The following PDZD9 variants were observed in gnomAD, a reference collection of about 807,000 sequenced individuals.
PDZD9 encodes the protein PDZ domain containing 9.
PDZD9 carries 13 observed loss-of-function variants against 16.3 expected under a neutral mutation model. The observed-to-expected ratio is 0.80, with a 90% CI of 0.52 to 1.27. PDZD9 has a LOEUF of 1.27. Among genes scored for constraint, PDZD9 ranks in the 50% most tolerant of loss-of-function variants. The probability of loss-of-function intolerance (pLI) is 0.00; values close to 1 mark genes in which losing one functional copy is unlikely to be tolerated. For missense variants in PDZD9, 288 were observed against 310.9 expected, an observed-to-expected ratio of 0.93 and a Z score of 0.55; for synonymous variants, 120 against 111.0, an observed-to-expected ratio of 1.08 and a Z score of -0.51.
downstream of PDZD9, chr16:21,983,189 C>T (rs374530097): frequency 3.2e-5 from 51 of 1,607,026 alleles, no homozygotes; most frequent in Admixed American, 2.3e-4. Context: ...GCACACATTA[C>T]AGGAGAGAGC....
the PDZD9 span, chr16:21,968,571 T>C: frequency 6.8e-7 from 1 of 1,478,474 alleles, no homozygotes; most frequent in Non-Finnish European, 9.2e-7. Flanking sequence ...TTTTATGTTT[T>C]TACAGCTTTT....
the PDZD9 span, among the ~76,000 whole-genome samples, chr16:21,973,041 A>G: frequency 6.6e-6 from 1 of 152,256 alleles, no homozygotes; most frequent in Non-Finnish European, 1.5e-5. Flanking sequence ...CGGAGGATTC[A>G]GTAAGCTGAG....
chr16:21,980,769 T>C, downstream of PDZD9: 1 of 1,549,400 alleles, frequency 6.5e-7, no homozygotes, highest in Non-Finnish European at 8.8e-7. Context: ...TTCAGAAGGA[T>C]GCATAAGCGT....
At chr16:21,982,180 C>T (rs1802097809), downstream of PDZD9, among the ~76,000 whole-genome samples, 1 of 151,984 alleles carries the variant, frequency 6.6e-6, no homozygotes, top group African/African-American at 2.4e-5. Context: ...ATCTTATATC[C>T]TATCATTATG....
chr16:21,959,672 A>G, the PDZD9 span: 1 of 152,252 alleles, frequency 6.6e-6, no homozygotes, highest in East Asian at 1.9e-4. Flanking sequence ...AAGTTTTTTA[A>G]TTTACTTTGC....
At chr16:21,974,034 T>C in the PDZD9 span, 1 of 1,489,862 alleles carries the variant, frequency 6.7e-7, no homozygotes, top group African/African-American at 1.4e-5. Flanking sequence ...CCCCCCGCCA[T>C]AAACATGTTT....
chr16:21,966,760 C>G, the PDZD9 span, among the ~76,000 whole-genome samples: 1 of 152,180 alleles, frequency 6.6e-6, no homozygotes, highest in Non-Finnish European at 1.5e-5. Context: ...AAATCAAATT[C>G]ACCCTCATGA....
At chr16:21,968,547 C>G in the PDZD9 span, 3 of 1,311,594 alleles carry the variant, frequency 2.3e-6, no homozygotes, top group Non-Finnish European at 3.1e-6. Context: ...TATTTATTTT[C>G]TTCCAAACTG....
At chr16:21,968,522 A>C in the PDZD9 span, 6 of 921,788 alleles carry the variant, frequency 6.5e-6, no homozygotes, top group East Asian at 2.8e-5. Context: ...ACAGCAACTT[A>C]TAAGGCCTTA....
At chr16:21,962,667 A>T in the PDZD9 span, 18 of 1,598,024 alleles carry the variant, frequency 1.1e-5, no homozygotes, top group Non-Finnish European at 1.5e-5. Context: ...CACAAGACCT[A>T]AAGTTTCACA....
chr16:21,958,059 C>A, the PDZD9 span, among the ~76,000 whole-genome samples: 2 of 152,108 alleles, frequency 1.3e-5, no homozygotes, highest in Non-Finnish European at 2.9e-5. Flanking sequence ...AATAAAGTAA[C>A]ATGCAAATAT....
At chr16:21,972,955 CTG>C in the PDZD9 span, among the ~76,000 whole-genome samples, 7 of 152,148 alleles carry the variant, frequency 4.6e-5, no homozygotes, top group African/African-American at 1.7e-4. Flanking sequence ...CAAAAATTGT[CTG>C]GGCGTGGTGG....
chr16:21,969,874 G>T, the PDZD9 span, among the ~76,000 whole-genome samples: 6 of 143,714 alleles, frequency 4.2e-5, no homozygotes, highest in South Asian at 2.2e-4. Flanking sequence ...CTTTGTTTTT[G>T]TTTTTTTTTT....
At chr16:21,991,998 C>T (rs1392679876) in intron 2 of PDZD9, among the ~76,000 whole-genome samples, 2 of 152,176 alleles carry the variant, frequency 1.3e-5, no homozygotes, top group Admixed American at 1.3e-4. Context: ...CTAAGATGAA[C>T]AAGTTATTTC....
chr16:21,989,720 C>G (rs1898976202), intron 2 of PDZD9, among the ~76,000 whole-genome samples: 2 of 152,152 alleles, frequency 1.3e-5, no homozygotes, highest in African/African-American at 4.8e-5. Context: ...AGCTAGGTTT[C>G]CCTACCTTAG....
At position 21,984,367 on chromosome 16, in the gene PDZD9, C is replaced by T. The variant is rs376162472; in HGVS notation, c.695G>A (p.Ser232Asn). Residue 232 changes from serine (S) to asparagine (N), a missense_variant, in exon 4 of 4, where the codon AGC (serine) becomes AAC (asparagine). By Grantham distance (46) the Ser-to-Asn change is conservative. Transcript: ENST00000424898. ...GGTAGAGGAGGTAGAGGAGGAAGAG[C>T]TTTCATTGTCTTGCTTCACCATTAT... is the stretch of plus-strand genomic sequence containing the variant. ...YWIMVKQDNE[S>N]SSSSTSSTSD... 52 of 1,614,002 alleles carry T rather than the reference C, an allele frequency of 3.2e-5. No homozygotes were observed. Among genetic ancestry groups the T allele is most frequent in the Non-Finnish European group, 4.4e-5 (52 of 1,179,966 alleles).
At position 21,988,801 on chromosome 16, in the gene PDZD9, G is replaced by C; in HGVS notation, c.212-10C>G. Reference sequence around the variant, plus strand: ...CTAATCAGAACATCACCTGAAGAGGGAAAAAATTATGTATCAGTAAAACTA... The same window carrying C: ...CTAATCAGAACATCACCTGAAGAGGCAAAAAATTATGTATCAGTAAAACTA... On this transcript the variant is annotated splice_polypyrimidine_tract_variant and intron_variant, in intron 2 of 3. Coordinates refer to ENST00000424898, the MANE Select transcript of PDZD9 (RefSeq NM_001363519.1). 1.3e-6 allele frequency: 2 copies of C among 1,584,392 alleles called. No homozygotes were observed. Among genetic ancestry groups the C allele is most frequent in the Non-Finnish European group, 1.7e-6 (2 of 1,170,380 alleles).
Position 21,988,705 on chromosome 16 carries a change from C to A in PDZD9, c.298G>T (p.Gly100Ter). 6.2e-7 allele frequency: 1 copy of A among 1,612,474 alleles called. No individual in the cohort carries two copies. The highest frequency in any genetic ancestry group is 2.2e-5 in the East Asian group (1 of 44,842). ...FLQLLQHITI[G>*]TVLQIKVYRD... is the part of the protein sequence containing the mutation. ...TAAACCTTGATTTGTAGCACTGTTC[C>A]AATAGTGATATGTTGCAAAAGCTGT... Residue 100 changes from glycine (G) to a stop codon, truncating the protein, a stop_gained, in exon 3 of 4, where the codon GGA becomes TGA. Transcript: ENST00000424898. LOFTEE classifies it high-confidence loss of function.
chr16:21,996,115 A>G (rs190752840), intron 2 of PDZD9, among the ~76,000 whole-genome samples: 19 of 151,758 alleles, frequency 1.3e-4, no homozygotes, highest in Admixed American at 1.2e-3. Context: ...AGTAGAGACA[A>G]AGTTTTACCA....
Sources: gnomAD v4.1 joint callset for allele counts (sites outside exome capture counted in the v4.1 genomes callset) on GRCh38, gnomAD v4.1.1 for gene constraint, MANE v1.5 for transcripts, NCBI Gene and HGNC (gene_info 2026-07-23, HGNC 2026-07-21) for gene names.